Variants in CDH23 observed in about 807,000 individuals in gnomAD.
CDH23 encodes the protein cadherin related 23.
Under a neutral mutation model 317.1 loss-of-function variants are expected in CDH23, and 189 were observed. The observed-to-expected ratio is 0.60, with a 90% CI of 0.53 to 0.67. The LOEUF (loss-of-function observed/expected upper bound fraction) is 0.67. Ranked by LOEUF, CDH23 falls within the 30% of genes least tolerant of loss-of-function variation. The pLI, the probability that CDH23 is intolerant of heterozygous loss-of-function variation, is 0.00. For synonymous variants in CDH23, 1,839 were observed against 1,876.8 expected (o/e 0.98, Z 0.52); for missense variants, 4,401 against 4,592.4 (o/e 0.96, Z 1.20).
At chr10:71,575,236 T>A (rs1858104596) in intron 8 of CDH23, among the ~76,000 whole-genome samples, 1 of 152,128 alleles carries the variant, frequency 6.6e-6, no homozygotes, top group African/African-American at 2.4e-5. Flanking sequence ...TCCACGTGGA[T>A]GTGCATTTTC....
intron 2 of CDH23, among the ~76,000 whole-genome samples, chr10:71,443,063 C>T (rs552042393): frequency 4.6e-5 from 7 of 152,344 alleles, no homozygotes; most frequent in South Asian, 2.1e-4. Flanking sequence ...CTGTCCAGTG[C>T]GCCTTCCTTG....
At chr10:71,713,695 G>A (rs1334804949) in intron 28 of CDH23, 1 of 210,242 alleles carries the variant, frequency 4.8e-6, no homozygotes, top group Non-Finnish European at 9.8e-6. Flanking sequence ...TGAGGACTTG[G>A]AGCATACCCC....
At chr10:71,780,654 C>A (rs1840928345) in intron 41 of CDH23, among the ~76,000 whole-genome samples, 1 of 152,122 alleles carries the variant, frequency 6.6e-6, no homozygotes, top group South Asian at 2.1e-4. Context: ...GAGGGCGTGG[C>A]TTTTGCTCTG....
chr10:71,811,699 C>G lies in CDH23; in HGVS notation c.9279-14C>G, dbSNP rs1283876992. 6.2e-7 allele frequency: 1 copy of G among 1,610,520 alleles called. No homozygotes were observed. The highest frequency in any genetic ancestry group is 1.3e-5 in the African/African-American group (1 of 74,864). ...CTTGGCCCCCCTCACCAGCCCCTCT[C>G]TGCTTCTCTCCAGACACAAGAGGAA... On this transcript the variant is annotated splice_polypyrimidine_tract_variant and intron_variant, in intron 64 of 69. Transcript: ENST00000224721.
chr10:71,570,692 G>A (rs1857733041), intron 7 of CDH23, 98 bp from the exon 8 acceptor site: 1 of 1,405,768 alleles, frequency 7.1e-7, no homozygotes, highest in Non-Finnish European at 9.8e-7. Context: ...TTGCACTTAT[G>A]TGCTGCACGG....
At chr10:71,662,717 A>G (rs1025231862) in intron 14 of CDH23, among the ~76,000 whole-genome samples, 1 of 152,146 alleles carries the variant, frequency 6.6e-6, no homozygotes, top group African/African-American at 2.4e-5. Context: ...GGCCCCAGAG[A>G]GGGCCCAAGT....
intron 14 of CDH23, among the ~76,000 whole-genome samples, chr10:71,659,943 T>C (rs1383449789): frequency 6.6e-6 from 1 of 150,856 alleles, no homozygotes; most frequent in Non-Finnish European, 1.5e-5. Context: ...TTCTTTTCTT[T>C]TCTTTTCTTT....
chr10:71,669,562 C>T (rs1864057667), intron 14 of CDH23, among the ~76,000 whole-genome samples: 1 of 152,062 alleles, frequency 6.6e-6, no homozygotes, highest in African/African-American at 2.4e-5. Flanking sequence ...ATTCTCCAGC[C>T]TCAGCCTCCT....
chr10:71,807,632 C>A lies in CDH23; in HGVS notation c.8425C>A (p.Arg2809Ser), dbSNP rs777428282. The A allele has an allele frequency of 1.2e-6, 2 of 1,613,980 alleles. No homozygotes were observed. The highest frequency in any genetic ancestry group is 2.2e-5 in the South Asian group (2 of 91,078). ...CTTCATCGTCAAGGCCTCCAGCAAT[C>A]GCAGCTGGACACCTCCCCGTGGACC... ...FSFIVKASSN[R>S]SWTPPRGPSP... is the part of the protein sequence containing the mutation. Residue 2809 changes from arginine (R) to serine (S), a missense_variant, in exon 59 of 70, where the codon CGC becomes AGC. Physicochemically the swap from Arg to Ser is moderately radical, Grantham distance 110. Around this residue, in one of 3 missense-constraint regions of CDH23, gnomAD observed 1,144 missense variants for 1,138.2 expected, o/e 1.01. Transcript: ENST00000224721.
At chr10:71,419,833 A>T (rs1848672956) in intron 1 of CDH23, among the ~76,000 whole-genome samples, 1 of 152,170 alleles carries the variant, frequency 6.6e-6, no homozygotes, top group Non-Finnish European at 1.5e-5. Flanking sequence ...CTGAAACTTT[A>T]TTCAGGCAGG....
At chr10:71,627,575 G>A (rs1861801628) in intron 11 of CDH23, among the ~76,000 whole-genome samples, 2 of 152,208 alleles carry the variant, frequency 1.3e-5, no homozygotes, top group African/African-American at 2.4e-5. Context: ...CTGGCAGGGG[G>A]TGTGAGGCAG....
chr10:71,511,447 C>T (rs1457386252), intron 6 of CDH23, among the ~76,000 whole-genome samples: 2 of 151,872 alleles, frequency 1.3e-5, no homozygotes, highest in African/African-American at 4.8e-5. Context: ...GTGCTGGAGG[C>T]TGAGCCCCAC....
intron 14 of CDH23, among the ~76,000 whole-genome samples, chr10:71,668,562 C>T (rs1255061833): frequency 6.6e-6 from 1 of 152,206 alleles, no homozygotes; most frequent in African/African-American, 2.4e-5. Context: ...GTCTCTGTCC[C>T]CTCCTTCATC....
Position 71,694,499 on chromosome 10 carries a change from T to C in CDH23, c.2289+240T>C, listed in dbSNP as rs1227077. Among the ~76,000 whole-genome samples the C allele has an allele frequency of 0.89, 135,689 of 152,096 alleles. 60,674 individuals are homozygous for C. The highest frequency in any genetic ancestry group is 1 in the East Asian group (5,151 of 5,162). ...TTGGGAGGAGCAAAATGAAATACTT[T>C]CTCTCCTGCCCCTAAAAATCCAGGA... On this transcript the variant is annotated intron_variant, in intron 21 of 69. Transcript: ENST00000224721.
intron 1 of CDH23, among the ~76,000 whole-genome samples, chr10:71,424,911 G>A (rs914237428): frequency 6.6e-6 from 1 of 152,140 alleles, no homozygotes; most frequent in African/African-American, 2.4e-5. Flanking sequence ...CTCAGTCCCC[G>A]CATGCCCAGT....
At chr10:71,574,401 C>T (rs1278765690) in intron 8 of CDH23, among the ~76,000 whole-genome samples, 2 of 152,214 alleles carry the variant, frequency 1.3e-5, no homozygotes, top group African/African-American at 2.4e-5. Flanking sequence ...GCACAAATTA[C>T]TGCCAGCCGA....
intron 3 of CDH23, among the ~76,000 whole-genome samples, chr10:71,488,676 G>C (rs1852482751): frequency 6.6e-6 from 1 of 152,180 alleles, no homozygotes; most frequent in South Asian, 2.1e-4. Context: ...CAATCAGTGG[G>C]AACTGAGAAA....
At chr10:71,560,195 A>AG (rs1857061358) in intron 6 of CDH23, among the ~76,000 whole-genome samples, 1 of 152,164 alleles carries the variant, frequency 6.6e-6, no homozygotes, top group Non-Finnish European at 1.5e-5. Flanking sequence ...CTGCTTTAGC[A>AG]TCCAACAGAA....
intron 38 of CDH23, among the ~76,000 whole-genome samples, chr10:71,769,367 C>T (rs576466635): frequency 4.6e-5 from 7 of 152,216 alleles, no homozygotes; most frequent in South Asian, 4.1e-4. Context: ...TTTCCTGTTA[C>T]GTTCTTTTAT....
Sources: gnomAD v4.1 joint callset for allele counts (sites outside exome capture counted in the v4.1 genomes callset) on GRCh38, gnomAD v4.1.1 for gene constraint, gnomAD v4.1.1 regional missense constraint, MANE v1.5 for transcripts, NCBI Gene and HGNC (gene_info 2026-07-23, HGNC 2026-07-21) for gene names.